Variants in ZNF75D observed in about 807,000 individuals in gnomAD.
The protein encoded by ZNF75D is zinc finger protein 75.
In ZNF75D, 33 loss-of-function variants were observed where a neutral mutation model predicts 33.3. The ratio of observed to expected loss-of-function variants is 0.99; its 90% confidence interval spans 0.75 to 1.32. ZNF75D has a LOEUF of 1.32. Ranked by LOEUF, ZNF75D falls within the 40% of genes most tolerant of loss-of-function variation. ZNF75D has a pLI of 0.00. For missense variants in ZNF75D, 338 were observed against 367.5 expected, an observed-to-expected ratio of 0.92 and a Z score of 0.66; for synonymous variants, 113 against 130.6, an observed-to-expected ratio of 0.87 and a Z score of 0.92.
At chrX:135,279,873 C>T (rs922820356) in intron 1 of ZNF75D, among the ~76,000 whole-genome samples, 2 of 111,357 alleles carry the variant, frequency 1.8e-5, no homozygotes, top group African/African-American at 3.3e-5. Flanking sequence ...TCCATTATTT[C>T]GCGTTTACTG....
At chrX:135,325,019 C>G (rs2084543670) in intron 1 of ZNF75D, among the ~76,000 whole-genome samples, 1 of 110,336 alleles carries the variant, frequency 9.1e-6, no homozygotes. Flanking sequence ...TTGCCTTACT[C>G]TAAGATGTCT....
At chrX:135,309,155 A>G (rs2084325779) in intron 1 of ZNF75D, among the ~76,000 whole-genome samples, 2 of 111,975 alleles carry the variant, frequency 1.8e-5, no homozygotes, top group Non-Finnish European at 3.8e-5. Flanking sequence ...ATGCGAATGT[A>G]AGAATTACGT....
At chrX:135,268,383 A>G (rs2083870482) in intron 1 of ZNF75D, among the ~76,000 whole-genome samples, 1 of 109,273 alleles carries the variant, frequency 9.2e-6, no homozygotes, top group South Asian at 4.1e-4. Context: ...CCAAATAAGT[A>G]TTAGGACTGA....
intron 1 of ZNF75D, among the ~76,000 whole-genome samples, chrX:135,311,020 C>T (rs1277752157): frequency 2.7e-5 from 3 of 111,970 alleles, no homozygotes; most frequent in African/African-American, 6.5e-5. Flanking sequence ...CAAACAGTGG[C>T]TGTACCAGCT....
chrX:135,329,802 T>G (rs1265857577), intron 1 of ZNF75D, among the ~76,000 whole-genome samples: 1 of 112,427 alleles, frequency 8.9e-6, no homozygotes, highest in African/African-American at 3.2e-5. Context: ...CAGATATACC[T>G]GAATATGATT....
intron 2 of ZNF75D, among the ~76,000 whole-genome samples, chrX:135,295,165 A>G (rs2084107155): frequency 8.9e-6 from 1 of 111,958 alleles, no homozygotes; most frequent in Admixed American, 9.4e-5. Context: ...CAGAAACAGT[A>G]ACAAAATTCT....
intron 1 of ZNF75D, among the ~76,000 whole-genome samples, chrX:135,273,723 A>G (rs1556417266): frequency 9.0e-6 from 1 of 111,660 alleles, no homozygotes; most frequent in African/African-American, 3.3e-5. Flanking sequence ...TCCAAGAGGG[A>G]TCCCCTGGGC....
chrX:135,339,297 C>A (rs2084754475), intron 1 of ZNF75D, among the ~76,000 whole-genome samples: 2 of 112,196 alleles, frequency 1.8e-5, no homozygotes, highest in South Asian at 7.4e-4. Context: ...CATTCTCTTT[C>A]AAGTCCTGGT....
At chrX:135,315,855 T>C (rs2084414016) in intron 1 of ZNF75D, among the ~76,000 whole-genome samples, 1 of 111,997 alleles carries the variant, frequency 8.9e-6, no homozygotes, top group African/African-American at 3.2e-5. Context: ...CAGCACGTAG[T>C]TAGATCATGT....
At chrX:135,304,015 C>T (rs1322781980) in intron 1 of ZNF75D, among the ~76,000 whole-genome samples, 2 of 112,435 alleles carry the variant, frequency 1.8e-5, no homozygotes, top group African/African-American at 6.5e-5. Context: ...AGCTTCTCAG[C>T]ATTTCATCAA....
At chrX:135,329,471 T>A (rs1341426871) in intron 1 of ZNF75D, among the ~76,000 whole-genome samples, 2 of 111,029 alleles carry the variant, frequency 1.8e-5, no homozygotes, top group South Asian at 3.8e-4. Flanking sequence ...AGAGATGGGG[T>A]TTCACCATTT....
intron 1 of ZNF75D, among the ~76,000 whole-genome samples, chrX:135,273,963 A>G: frequency 9.0e-6 from 1 of 111,713 alleles, no homozygotes. Flanking sequence ...TGGAGTCTGA[A>G]GAAGGTTGGC....
At chrX:135,325,093 T>A (rs2084544605) in intron 1 of ZNF75D, among the ~76,000 whole-genome samples, 1 of 109,887 alleles carries the variant, frequency 9.1e-6, no homozygotes, top group Non-Finnish European at 1.9e-5. Flanking sequence ...TTCAAGGAAA[T>A]GTATATCCAA....
intron 2 of ZNF75D, among the ~76,000 whole-genome samples, chrX:135,294,641 G>A (rs1013468560): frequency 1.8e-5 from 2 of 111,118 alleles, no homozygotes; most frequent in African/African-American, 6.6e-5. Context: ...GGGCCTATTT[G>A]AGTTTCTCGA....
intron 1 of ZNF75D, among the ~76,000 whole-genome samples, chrX:135,326,563 G>A (rs2084579919): frequency 1.8e-5 from 2 of 112,169 alleles, no homozygotes; most frequent in African/African-American, 6.5e-5. Flanking sequence ...TGAGCCAGCA[G>A]GGGCAACCCA....
chrX:135,338,265 C>G (rs909003211), intron 1 of ZNF75D, among the ~76,000 whole-genome samples: 9 of 111,213 alleles, frequency 8.1e-5, no homozygotes, highest in African/African-American at 2.6e-4. Flanking sequence ...TCAGAATTGT[C>G]TCCGCAATCT....
In ZNF75D at chrX:135,287,850, T is replaced by G. The variant is rs1602598415; in HGVS notation, c.824-4A>C. On this transcript the variant is annotated splice_region_variant and splice_polypyrimidine_tract_variant and intron_variant, in intron 6 of 6. Coordinates refer to ENST00000370766, the MANE Select transcript of ZNF75D (RefSeq NM_007131.5). ...GTGTCATTTTTTAGCTTTAACCCTG[T>G]TAGAATAAACAGAATAATCAGCCAT... 8.6e-7 allele frequency: 1 copy of G among 1,169,032 alleles called. No homozygotes were observed. The highest frequency in any genetic ancestry group is 1.8e-5 in the African/African-American group (1 of 56,086).
At chrX:135,289,627 GACACACACACACACACACACACAC>G (rs60550937) in intron 6 of ZNF75D, among the ~76,000 whole-genome samples, 5 of 88,910 alleles carry the variant, frequency 5.6e-5, no homozygotes, top group Non-Finnish European at 1.1e-4. Context: ...CACACACACA[GACACACACACACACACACACACAC>G]ACACACACAC....
At position 135,293,922 on chromosome X, in the gene ZNF75D, C is replaced by A; in HGVS notation, c.219G>T (p.Leu73Phe). The A allele has an allele frequency of 8.3e-7, 1 of 1,211,089 alleles. No individual in the cohort carries two copies. The highest frequency in any genetic ancestry group is 1.1e-6 in the Non-Finnish European group (1 of 894,836). The change falls in exon 3 of 7, where the codon TTG becomes TTT. Residue 73 changes from leucine to phenylalanine, a missense_variant. This residue lies in a region of ZNF75D where 254 missense variants were observed against 267.7 expected (regional missense o/e 0.95). Transcript: ENST00000370766. ...PLETISQLQK[L>F]CHQWLRPEIH... ...TCTCTGGCCTCAGCCACTGATGGCA[C>A]AATTTCTGAAGTTGGCTGATAGTCT...
Sources: gnomAD v4.1 joint callset for allele counts (sites outside exome capture counted in the v4.1 genomes callset) on GRCh38, gnomAD v4.1.1 for gene constraint, gnomAD v4.1.1 regional missense constraint, MANE v1.5 for transcripts, NCBI Gene and HGNC (gene_info 2026-07-23, HGNC 2026-07-21) for gene names.